Variants in MPPE1 observed in about 807,000 individuals in gnomAD.
The protein encoded by MPPE1 is metallophosphoesterase 1.
A neutral mutation model predicts 43.8 loss-of-function variants in MPPE1; 28 were observed. The ratio of observed to expected loss-of-function variants is 0.64; its 90% confidence interval spans 0.47 to 0.88. MPPE1 has a LOEUF of 0.88. Among genes scored for constraint, MPPE1 ranks in the 40% least tolerant of loss-of-function variants. The probability of loss-of-function intolerance (pLI) is 0.00; values close to 1 mark genes in which losing one functional copy is unlikely to be tolerated. For synonymous variants in MPPE1, 159 were observed against 188.5 expected (o/e 0.84, Z 1.28); for missense variants, 428 against 492.2 (o/e 0.87, Z 1.23).
In MPPE1 at chr18:11,897,216, T is replaced by C. The variant is rs752069265; in HGVS notation, c.49A>G (p.Lys17Glu). 36 of 1,155,596 alleles carry C rather than the reference T, an allele frequency of 3.1e-5. No homozygotes were observed. The Middle Eastern group carries it at 1.0e-3, about 33-fold the overall frequency. The allele number at this position is 1,155,596 out of a possible 1,614,324, so 71.6% of individuals were successfully genotyped here. Residue 17 changes from lysine to glutamate, a missense_variant, in exon 3 of 11, where the codon AAG (lysine) becomes GAG (glutamate). Physicochemically the swap from Lys to Glu is moderately conservative, Grantham distance 56 (BLOSUM62 1). This residue lies in a region of MPPE1 where 48 missense variants were observed against 73.5 expected (regional missense o/e 0.65). Transcript: ENST00000588072. The part of the protein sequence containing the change: ...GFGRQNFHPL[K>E]RKSSLLLKLI... The stretch of plus-strand genomic sequence containing the variant: ...TTCAACAGCAATGAACTCTTCCTCT[T>C]TAATGGATGAAAATTCTGTCTTCCA...
intron 1 of MPPE1, among the ~76,000 whole-genome samples, chr18:11,907,701 G>A (rs901032401): frequency 6.8e-6 from 1 of 147,518 alleles, no homozygotes; most frequent in African/African-American, 2.5e-5. Context: ...TGGTGGGGGC[G>A]GGGGACTTGC....
intron 3 of MPPE1, 61 bp downstream of exon 3, chr18:11,896,923 G>T: frequency 6.9e-7 from 1 of 1,458,608 alleles, no homozygotes; most frequent in Non-Finnish European, 9.4e-7. Context: ...TTGCCTATGA[G>T]GAGAGGGCTA....
At chr18:11,885,251 G>A (rs2037020523) in intron 10 of MPPE1, 1 of 268,250 alleles carries the variant, frequency 3.7e-6, no homozygotes, top group Non-Finnish European at 7.1e-6. Flanking sequence ...AACGCCCAGT[G>A]GTCATTAAGT....
Position 11,886,239 on chromosome 18 carries a change from C to CT in MPPE1, c.867+259dup, listed in dbSNP as rs1367052217. The CT allele has an allele frequency of 2.1e-6, 1 of 473,358 alleles. No homozygotes were observed. Among genetic ancestry groups the CT allele is most frequent in the East Asian group, 4.3e-5 (1 of 23,130 alleles). 29.3% of individuals were successfully genotyped at this position (473,358 alleles called of 1,614,324 possible). On this transcript the variant is annotated intron_variant, in intron 9 of 10. Coordinates refer to ENST00000588072, the MANE Select transcript of MPPE1 (RefSeq NM_023075.6). The surrounding 1 kb of genome is among the most constrained non-coding windows in gnomAD (Gnocchi z 4.1). ...AATACATTTAAGTTGGTGAAAAACT[C>CT]TGAATACAAAGAATAGCTGAGACTA...
intron 6 of MPPE1, 141 bp from the exon 7 acceptor site, chr18:11,887,166 G>T: frequency 1.7e-6 from 1 of 591,416 alleles, no homozygotes; most frequent in African/African-American, 1.9e-5. Flanking sequence ...AGAATAATTT[G>T]GTGTATTTTT....
intron 2 of MPPE1, chr18:11,902,826 T>C (rs557032126): frequency 2.2e-4 from 34 of 152,480 alleles, no homozygotes; most frequent in African/African-American, 7.9e-4. Flanking sequence ...CAGGGCAGGA[T>C]AGGATGCAAA....
rs531486873 is a variant in MPPE1 at position 11,883,486 on chromosome 18, AATTAT to A, written c.*954_*958del. The A allele has an allele frequency of 1.0e-4, 16 of 153,714 alleles. No homozygotes were observed. In the East Asian group the frequency reaches 3.1e-3, roughly 30 times the overall value. The allele number at this position is 153,714 out of a possible 1,614,324, so 9.5% of individuals were successfully genotyped here. Reference sequence around the variant, plus strand: ...AAAGAATAACTTTTATCTGGCTTACAATTATTAAAGCATTTATTTTCAGGTACCAA... The same window carrying A: ...AAAGAATAACTTTTATCTGGCTTACATAAAGCATTTATTTTCAGGTACCAA... On this transcript the variant is annotated 3_prime_UTR_variant, in exon 11 of 11. Coordinates refer to ENST00000588072, the MANE Select transcript of MPPE1 (RefSeq NM_023075.6).
intron 1 of MPPE1, 126 bp from the exon 2 acceptor site, chr18:11,906,435 G>A (rs1280762954): frequency 3.3e-5 from 5 of 152,080 alleles, no homozygotes; most frequent in Non-Finnish European, 7.4e-5. Context: ...ACAAGACATT[G>A]GGTTAGTGGC....
intron 10 of MPPE1, 166 bp downstream of exon 10, chr18:11,885,510 G>T: frequency 2.6e-6 from 2 of 777,714 alleles, no homozygotes; most frequent in South Asian, 1.9e-5. Flanking sequence ...ATTGGTTCCC[G>T]GAAGGGTGTT....
intron 4 of MPPE1, chr18:11,891,119 G>C (rs1371947096): frequency 1.3e-5 from 2 of 152,146 alleles, no homozygotes; most frequent in East Asian, 3.8e-4. Flanking sequence ...AAAACTTAAG[G>C]AAATATGCTG....
At chr18:11,891,855 G>C (rs2038030772) in intron 4 of MPPE1, among the ~76,000 whole-genome samples, 2 of 152,150 alleles carry the variant, frequency 1.3e-5, no homozygotes, top group African/African-American at 4.8e-5. Flanking sequence ...GTCTCACTCT[G>C]TCACCCAGGA....
chr18:11,883,159 G>A lies in MPPE1; in HGVS notation c.*1286C>T, dbSNP rs1414737844. On this transcript the variant is annotated 3_prime_UTR_variant, in exon 11 of 11. Transcript: ENST00000588072. ...GATTTAAATGCTACTTTTTCATGAA[G>A]AAAGGATAACTTTATAGACAGTCAG... 7.5e-6 allele frequency: 1 copy of A among 133,448 alleles called. No homozygotes were observed. The highest frequency in any genetic ancestry group is 3.5e-5 in the African/African-American group (1 of 28,662). The allele number at this position is 133,448 out of a possible 1,614,324, so 8.3% of individuals were successfully genotyped here.
intron 2 of MPPE1, among the ~76,000 whole-genome samples, chr18:11,900,216 T>G (rs779057739): frequency 6.6e-6 from 1 of 152,056 alleles, no homozygotes; most frequent in Non-Finnish European, 1.5e-5. Flanking sequence ...GGTGATGGTG[T>G]GCACCTGTAA....
chr18:11,892,729 T>C (rs1485896807), intron 4 of MPPE1, among the ~76,000 whole-genome samples: 2 of 151,632 alleles, frequency 1.3e-5, no homozygotes, highest in East Asian at 3.9e-4. Flanking sequence ...ACTACGGGCA[T>C]GTGATGAAGT....
rs2037341848 is a variant in MPPE1, at chr18:11,886,818, C to T, written c.679-40G>A. Reference sequence around the variant, plus strand: ...TCAGGCCATTAATCCGCACACCTGACCCTCATCAAAGGGCAAGAAGCGCTA... The same window carrying T: ...TCAGGCCATTAATCCGCACACCTGATCCTCATCAAAGGGCAAGAAGCGCTA... On this transcript the variant is annotated intron_variant, in intron 7 of 10. Transcript: ENST00000588072. This position sits in a 1 kb window ranked among gnomAD's most constrained non-coding sequence, Gnocchi z 4.1. The T allele has an allele frequency of 6.2e-7, 1 of 1,603,950 alleles. No individual in the cohort carries two copies. Among genetic ancestry groups the T allele is most frequent in the African/African-American group, 1.3e-5 (1 of 74,730 alleles).
chr18:11,887,147 A>T (rs751215441), intron 6 of MPPE1, 122 bp from the exon 7 acceptor site: 1 of 631,074 alleles, frequency 1.6e-6, no homozygotes, highest in African/African-American at 1.8e-5. Context: ...GCAGCTTTCA[A>T]TCCCACCCAG....
At chr18:11,902,318 A>C (rs1472744100) in intron 2 of MPPE1, 2 of 152,182 alleles carry the variant, frequency 1.3e-5, no homozygotes, top group Admixed American at 1.3e-4. Flanking sequence ...GGAACCATGC[A>C]CCAGTATGGT....
chr18:11,886,454 G>A lies in MPPE1; in HGVS notation c.867+45C>T, dbSNP rs749792357. 6.2e-7 allele frequency: 1 copy of A among 1,613,554 alleles called. No individual in the cohort carries two copies. The highest frequency in any genetic ancestry group is 1.1e-5 in the South Asian group (1 of 91,062). On this transcript the variant is annotated intron_variant, in intron 9 of 10. Transcript: ENST00000588072. This position sits in a 1 kb window ranked among gnomAD's most constrained non-coding sequence, Gnocchi z 4.1. Reference sequence around the variant, plus strand: ...TGCTTGTTGACATGCAAGGTGATGAGAGTCACACTGTGACATGAATTAGCA... The same window carrying A: ...TGCTTGTTGACATGCAAGGTGATGAAAGTCACACTGTGACATGAATTAGCA...
intron 2 of MPPE1, among the ~76,000 whole-genome samples, chr18:11,898,107 C>T (rs189962281): frequency 5.3e-5 from 8 of 152,272 alleles, no homozygotes; most frequent in African/African-American, 1.4e-4. Context: ...TCTCCCCTGT[C>T]ACCCAGGCTG....
Sources: allele counts gnomAD v4.1 joint callset (sites outside exome capture counted in the v4.1 genomes callset), GRCh38; gene constraint gnomAD v4.1.1; regional missense constraint gnomAD v4.1.1; non-coding constraint Gnocchi (gnomAD v3.1); transcripts MANE v1.5; gene names NCBI Gene and HGNC (gene_info 2026-07-23, HGNC 2026-07-21).